The following CIMIP6 variants were observed in gnomAD, a reference collection of about 807,000 sequenced individuals.
CIMIP6 encodes the protein uncharacterized protein C2orf73.
the CIMIP6 span, among the ~76,000 whole-genome samples, chr2:54,350,129 T>G: frequency 2.0e-5 from 3 of 152,262 alleles, no homozygotes; most frequent in Non-Finnish European, 4.4e-5. Context: ...GTGCTGGGAT[T>G]ACAGGCGTGA....
chr2:54,381,881 G>A, the CIMIP6 span: 2 of 1,550,106 alleles, frequency 1.3e-6, no homozygotes, highest in East Asian at 2.4e-5. Context: ...GACTGTAACA[G>A]TGGTCCTGTG....
At chr2:54,341,327 T>C in the CIMIP6 span, among the ~76,000 whole-genome samples, 1 of 152,186 alleles carries the variant, frequency 6.6e-6, no homozygotes, top group African/African-American at 2.4e-5. Flanking sequence ...CCTGTTGCCC[T>C]CTTTTTGCTC....
At chr2:54,344,712 A>AT in the CIMIP6 span, among the ~76,000 whole-genome samples, 1 of 61,682 alleles carries the variant, frequency 1.6e-5, no homozygotes, top group African/African-American at 5.4e-5. Context: ...AATCAAGCTG[A>AT]TCCCCCGTCC....
chr2:54,344,794 G>A, the CIMIP6 span, among the ~76,000 whole-genome samples: 3 of 152,078 alleles, frequency 2.0e-5, no homozygotes. Context: ...ATAAAGTCAC[G>A]GAAGTATCAC....
chr2:54,339,554 T>G, the CIMIP6 span, among the ~76,000 whole-genome samples: 6 of 75,222 alleles, frequency 8.0e-5, 2 homozygotes, highest in Middle Eastern at 0.011. Flanking sequence ...AAACATTTTT[T>G]TAAAGCACTC....
the CIMIP6 span, among the ~76,000 whole-genome samples, chr2:54,352,067 T>A: frequency 2.8e-3 from 427 of 152,274 alleles, no homozygotes; most frequent in Non-Finnish European, 5.2e-3. Flanking sequence ...ATACTGTTTA[T>A]AAACTTAATC....
chr2:54,377,572 A>T, the CIMIP6 span, among the ~76,000 whole-genome samples: 1 of 152,186 alleles, frequency 6.6e-6, no homozygotes, highest in Non-Finnish European at 1.5e-5. Context: ...CGGCTCCAGC[A>T]CACCCCTGAG....
At chr2:54,367,686 T>C in the CIMIP6 span, among the ~76,000 whole-genome samples, 5 of 152,054 alleles carry the variant, frequency 3.3e-5, no homozygotes, top group Admixed American at 1.3e-4. Context: ...CAGAACTTCA[T>C]TGCCAACTTA....
chr2:54,382,681 C>A, the CIMIP6 span, among the ~76,000 whole-genome samples: 1 of 152,156 alleles, frequency 6.6e-6, no homozygotes, highest in Non-Finnish European at 1.5e-5. Context: ...GTTTTCTACC[C>A]CATATTCCAT....
the CIMIP6 span, among the ~76,000 whole-genome samples, chr2:54,334,165 C>T: frequency 6.6e-6 from 1 of 151,928 alleles, no homozygotes; most frequent in Admixed American, 6.6e-5. Flanking sequence ...TTCAATTTCT[C>T]CTTATTTGAA....
At chr2:54,350,869 C>T in the CIMIP6 span, among the ~76,000 whole-genome samples, 1 of 152,214 alleles carries the variant, frequency 6.6e-6, no homozygotes, top group Non-Finnish European at 1.5e-5. Flanking sequence ...TTACCCTTTA[C>T]ACTTTGAAGA....
the CIMIP6 span, among the ~76,000 whole-genome samples, chr2:54,347,524 C>T: frequency 2.6e-5 from 4 of 152,108 alleles, no homozygotes; most frequent in Admixed American, 6.5e-5. Flanking sequence ...TTCCACATAA[C>T]GAGCAGTTAT....
At chr2:54,367,776 G>A in the CIMIP6 span, among the ~76,000 whole-genome samples, 22 of 152,196 alleles carry the variant, frequency 1.4e-4, no homozygotes, top group South Asian at 8.3e-4. Flanking sequence ...GGCAGAGTCC[G>A]GTGCTATTCT....
chr2:54,374,048 G>A, the CIMIP6 span, among the ~76,000 whole-genome samples: 14 of 152,204 alleles, frequency 9.2e-5, no homozygotes, highest in South Asian at 1.7e-3. Flanking sequence ...ATTCACTTTC[G>A]TTATTATGTA....
At chr2:54,375,749 T>C in the CIMIP6 span, among the ~76,000 whole-genome samples, 4 of 152,212 alleles carry the variant, frequency 2.6e-5, no homozygotes, top group African/African-American at 4.8e-5. Context: ...ATCTGCACAA[T>C]GGAATTCTCT....
the CIMIP6 span, among the ~76,000 whole-genome samples, chr2:54,345,871 C>A: frequency 5.9e-5 from 9 of 152,076 alleles, no homozygotes; most frequent in African/African-American, 1.9e-4. Context: ...TAAAAGTTTC[C>A]ATAAAGGGAT....
the CIMIP6 span, among the ~76,000 whole-genome samples, chr2:54,353,644 C>G: frequency 1.3e-5 from 2 of 152,068 alleles, no homozygotes; most frequent in Non-Finnish European, 2.9e-5. Flanking sequence ...TTATTGCATG[C>G]CTTTCGTTAA....
chr2:54,354,925 C>T, the CIMIP6 span, among the ~76,000 whole-genome samples: 1 of 151,894 alleles, frequency 6.6e-6, no homozygotes, highest in Non-Finnish European at 1.5e-5. Context: ...TTATCTTTTT[C>T]AGGAAACAAA....
At chr2:54,360,678 G>A in the CIMIP6 span, 1 of 1,077,066 alleles carries the variant, frequency 9.3e-7, no homozygotes, top group Non-Finnish European at 1.3e-6. Context: ...TACAATTTAT[G>A]TAAATGGAAA....
Sources: gnomAD v4.1 joint callset for allele counts (sites outside exome capture counted in the v4.1 genomes callset) on GRCh38, gnomAD v4.1.1 for gene constraint, MANE v1.5 for transcripts, NCBI Gene and HGNC (gene_info 2026-07-23, HGNC 2026-07-21) for gene names.